The following PTPRS variants were observed in gnomAD, a reference collection of about 807,000 sequenced individuals.
The protein encoded by PTPRS is protein tyrosine phosphatase receptor type S.
A neutral mutation model predicts 215.3 loss-of-function variants in PTPRS; 63 were observed. The observed-to-expected ratio is 0.29, with a 90% confidence interval of 0.24 to 0.36. PTPRS has a LOEUF of 0.36. PTPRS is among the 10% of genes least tolerant of loss of function. The pLI is 1.00. For missense variants in PTPRS, 2,258 were observed against 2,825.8 expected, an observed-to-expected ratio of 0.80 and a Z score of 4.56; for synonymous variants, 1,404 against 1,191.4, an observed-to-expected ratio of 1.18 and a Z score of -3.68.
rs372730669 is a variant in PTPRS at position 5,212,447 on chromosome 19, C to T, written c.4659G>A (p.Thr1553=). ...CGGGCACGCCATGGTCCGGCCACGC[C>T]GTAAACTGGAACTGGCGGACCTCGC... is the stretch of plus-strand genomic sequence containing the variant. ...EKREVRQFQF[T]AWPDHGVPEY... The change falls in exon 31 of 38, where the codon ACG becomes ACA. Residue 1553 remains threonine, a synonymous_variant. Coordinates refer to ENST00000262963, the MANE Select transcript of PTPRS (RefSeq NM_002850.4). 4.9e-5 allele frequency: 79 copies of T among 1,600,496 alleles called. No individual in the cohort carries two copies. The highest frequency in any genetic ancestry group is 1.8e-4 in the East Asian group (8 of 44,152).
intron 1 of PTPRS, among the ~76,000 whole-genome samples, chr19:5,329,624 G>T (rs761521413): frequency 4.6e-5 from 7 of 152,052 alleles, no homozygotes; most frequent in Non-Finnish European, 1.0e-4. Context: ...AATTAGCCGG[G>T]TGTAATAGTG....
At chr19:5,326,904 G>A (rs1017331817) in intron 1 of PTPRS, among the ~76,000 whole-genome samples, 17 of 152,226 alleles carry the variant, frequency 1.1e-4, no homozygotes, top group East Asian at 7.7e-4. Context: ...GTCCTTAGGC[G>A]ATGGGGCAGC....
chr19:5,337,708 T>C (rs2050551073), intron 1 of PTPRS, among the ~76,000 whole-genome samples: 1 of 152,124 alleles, frequency 6.6e-6, no homozygotes, highest in Admixed American at 6.5e-5. Flanking sequence ...TGCACAGTGA[T>C]GGCTCCAGGT....
rs748330260 is a variant in PTPRS at position 5,220,059 on chromosome 19, C to A, written c.3645G>T (p.Val1215=). Residue 1215 remains valine (V), a synonymous_variant, in exon 22 of 38, where the codon GTG becomes GTT. Coordinates refer to ENST00000262963, the MANE Select transcript of PTPRS (RefSeq NM_002850.4). ...CGCCGGGATGGAACGTGGGTGGCAG[C>A]ACAGAGAAGCGAGCTGCAATATAGG... ...PRPYIAARFS[V]LPPTFHPGDQ... 1.2e-6 allele frequency: 2 copies of A among 1,614,058 alleles called. No homozygotes were observed. Among genetic ancestry groups the A allele is most frequent in the South Asian group, 2.2e-5 (2 of 91,092 alleles).
chr19:5,268,211 G>A (rs919693317), intron 4 of PTPRS, among the ~76,000 whole-genome samples: 1 of 151,812 alleles, frequency 6.6e-6, no homozygotes, highest in African/African-American at 2.4e-5. Flanking sequence ...ATTAAATAAA[G>A]TTTTATTGGC....
chr19:5,278,157 TG>T (rs1410625937), intron 2 of PTPRS: 1 of 312,920 alleles, frequency 3.2e-6, no homozygotes, highest in Admixed American at 4.5e-5. Context: ...GTGCATGTTT[TG>T]TGTTTAAATA....
At chr19:5,298,181 C>T (rs928303234) in intron 1 of PTPRS, among the ~76,000 whole-genome samples, 2 of 152,146 alleles carry the variant, frequency 1.3e-5, no homozygotes, top group South Asian at 2.1e-4. Flanking sequence ...TTCCAGTGTC[C>T]GGGTCACAGA....
intron 14 of PTPRS, among the ~76,000 whole-genome samples, chr19:5,231,063 C>G (rs1342691810): frequency 6.6e-6 from 1 of 152,228 alleles, no homozygotes; most frequent in African/African-American, 2.4e-5. Flanking sequence ...TAGAGGGCAG[C>G]CAGCGAAACT....
rs2049835558 is a variant in PTPRS at position 5,315,350 on chromosome 19, G to GCTTTTTTTTTTTTTTTTTTTTTTTT, written c.-95+25313_-95+25314insAAAAAAAAAAAAAAAAAAAAAAAAG. On this transcript the variant is annotated intron_variant, in intron 1 of 37. Transcript: ENST00000262963. The stretch of plus-strand genomic sequence containing the variant: ...TCATGGAGAATTTTTATTTGAAAAG[G>GCTTTTTTTTTTTTTTTTTTTTTTTT]GTTTTTTTTTTTTTTTTTTTTTTTT... Among the ~76,000 whole-genome samples, 24 of 101,298 alleles carry GCTTTTTTTTTTTTTTTTTTTTTTTT rather than the reference G, an allele frequency of 2.4e-4. 11 individuals are homozygous for GCTTTTTTTTTTTTTTTTTTTTTTTT. Among genetic ancestry groups the GCTTTTTTTTTTTTTTTTTTTTTTTT allele is most frequent in the African/African-American group, 4.9e-4 (12 of 24,602 alleles). The allele number at this position is 101,298 out of a possible 152,430, so 66.5% of individuals were successfully genotyped here.
In PTPRS at chr19:5,206,475, C is replaced by A; in HGVS notation, c.*299G>T. On this transcript the variant is annotated 3_prime_UTR_variant, in exon 38 of 38. Transcript: ENST00000262963. ...CCCTCCTCTGGTTCTGGGGAGCACT[C>A]CTATTTGCTCACCATCCCCCCACCC... 1 of 420,952 alleles carries A rather than the reference C, an allele frequency of 2.4e-6. No homozygotes were observed. The highest frequency in any genetic ancestry group is 2.3e-5 in the South Asian group (1 of 43,464). 26.1% of individuals were successfully genotyped at this position (420,952 alleles called of 1,614,324 possible).
intron 1 of PTPRS, among the ~76,000 whole-genome samples, chr19:5,313,010 G>A (rs1471245178): frequency 6.6e-6 from 1 of 152,204 alleles, no homozygotes; most frequent in African/African-American, 2.4e-5. Flanking sequence ...CACCTCCTGG[G>A]TTCAAGCGAT....
intron 1 of PTPRS, among the ~76,000 whole-genome samples, chr19:5,326,927 A>G (rs1388711662): frequency 2.6e-5 from 4 of 152,300 alleles, no homozygotes; most frequent in Admixed American, 1.3e-4. Context: ...AACACCAGAT[A>G]TAGAGTCCAA....
intron 16 of PTPRS, among the ~76,000 whole-genome samples, chr19:5,228,771 C>T (rs904536213): frequency 2.6e-5 from 4 of 152,230 alleles, no homozygotes; most frequent in Non-Finnish European, 5.9e-5. Flanking sequence ...CAATTCCTCT[C>T]TGGTTTAAAG....
intron 1 of PTPRS, among the ~76,000 whole-genome samples, chr19:5,304,099 A>G (rs1348580299): frequency 6.6e-6 from 1 of 152,158 alleles, no homozygotes; most frequent in Non-Finnish European, 1.5e-5. Flanking sequence ...CACCTACTGT[A>G]TACCAGGCTC....
At chr19:5,246,736 C>T (rs1023028702) in intron 9 of PTPRS, among the ~76,000 whole-genome samples, 19 of 152,182 alleles carry the variant, frequency 1.2e-4, no homozygotes, top group African/African-American at 2.2e-4. Flanking sequence ...CCGCCCCCTC[C>T]GACCGGGCCC....
At chr19:5,242,756 G>T (rs576916922) in intron 11 of PTPRS, among the ~76,000 whole-genome samples, 2 of 152,082 alleles carry the variant, frequency 1.3e-5, no homozygotes, top group South Asian at 2.1e-4. Flanking sequence ...GAGTGTAGTG[G>T]TGCTATCATA....
intron 22 of PTPRS, 58 bp downstream of exon 22, chr19:5,219,881 G>A (rs1246272179): frequency 3.8e-6 from 6 of 1,563,676 alleles, no homozygotes; most frequent in Admixed American, 3.4e-5. Context: ...CCTGGGGAAT[G>A]GGGTCTGCCT....
intron 4 of PTPRS, among the ~76,000 whole-genome samples, chr19:5,267,934 C>T (rs1430818801): frequency 1.3e-5 from 2 of 151,864 alleles, no homozygotes; most frequent in Non-Finnish European, 2.9e-5. Context: ...CTTTGAGAGG[C>T]CGAGGCAGGT....
intron 9 of PTPRS, 128 bp downstream of exon 9, chr19:5,255,980 T>TA: frequency 1.6e-6 from 1 of 610,726 alleles, no homozygotes; most frequent in African/African-American, 2.1e-5. Flanking sequence ...TTCATTTTTC[T>TA]ATTTTTTTTC....
Sources: allele counts gnomAD v4.1 joint callset (sites outside exome capture counted in the v4.1 genomes callset), GRCh38; gene constraint gnomAD v4.1.1; transcripts MANE v1.5; gene names NCBI Gene and HGNC (gene_info 2026-07-23, HGNC 2026-07-21).